KLHL4: variants seen among roughly 807,000 people sequenced by gnomAD.
The protein encoded by KLHL4 is kelch-like protein 4.
Under a neutral mutation model 45.8 loss-of-function variants are expected in KLHL4, and 17 were observed. That is an observed-to-expected ratio of 0.37 (90% confidence interval 0.25 to 0.56). The LOEUF (loss-of-function observed/expected upper bound fraction) is 0.56. KLHL4 is among the 20% of genes least tolerant of loss of function. The pLI, the probability that KLHL4 is intolerant of heterozygous loss-of-function variation, is 0.79. For synonymous variants in KLHL4, 224 were observed against 189.9 expected, an observed-to-expected ratio of 1.18 and a Z score of -1.47; for missense variants, 544 against 544.9, an observed-to-expected ratio of 1.00 and a Z score of 0.02.
chrX:87,593,218 A>G (rs746040814), intron 1 of KLHL4, among the ~76,000 whole-genome samples: 7 of 110,981 alleles, frequency 6.3e-5, no homozygotes, highest in Non-Finnish European at 9.4e-5. Flanking sequence ...TACTTCTTGT[A>G]TGTGTAGATT....
At position 87,517,934 on chromosome X, in the gene KLHL4, T is replaced by A; in HGVS notation, c.41T>A (p.Ile14Asn). Residue 14 changes from isoleucine to asparagine, a missense_variant, in exon 1 of 11, where the codon ATC becomes AAC. By Grantham distance (149) the Ile-to-Asn change is moderately radical (BLOSUM62 -3). Transcript: ENST00000373119. The stretch of plus-strand genomic sequence containing the variant: ...AAGAAAGAGTTTGATGTGAAACAGA[T>A]CCTAAGGCTACGCTGGAGGTGGTTT... ...SGKKEFDVKQ[I>N]LRLRWRWFSH... is the part of the protein sequence containing the mutation. The A allele has an allele frequency of 8.3e-7, 1 of 1,211,271 alleles. No homozygotes were observed.
intron 1 of KLHL4, among the ~76,000 whole-genome samples, chrX:87,550,555 A>C (rs1168820616): frequency 9.0e-6 from 1 of 111,355 alleles, no homozygotes; most frequent in Non-Finnish European, 1.9e-5. Flanking sequence ...CTTAACCAAA[A>C]AAGAAAACTA....
At chrX:87,530,477 G>A (rs1461759783) in intron 1 of KLHL4, among the ~76,000 whole-genome samples, 1 of 85,291 alleles carries the variant, frequency 1.2e-5, no homozygotes, top group East Asian at 4.0e-4. Context: ...GTGTCCATGT[G>A]ATCTCATTGT....
At chrX:87,603,928 C>G (rs1922103337) in intron 1 of KLHL4, among the ~76,000 whole-genome samples, 1 of 110,032 alleles carries the variant, frequency 9.1e-6, no homozygotes, top group Non-Finnish European at 1.9e-5. Flanking sequence ...CTGTTCCACT[C>G]CCCGCTTCTA....
intron 1 of KLHL4, among the ~76,000 whole-genome samples, chrX:87,555,113 G>A (rs377519684): frequency 3.6e-4 from 36 of 99,739 alleles, no homozygotes; most frequent in Admixed American, 1.7e-3. Flanking sequence ...TGCTGGATTC[G>A]GTTTGCCAGT....
intron 1 of KLHL4, among the ~76,000 whole-genome samples, chrX:87,529,865 T>C (rs977295592): frequency 1.3e-4 from 14 of 111,903 alleles, no homozygotes; most frequent in Non-Finnish European, 2.3e-4. Context: ...TATAAAACAT[T>C]TAGGTCAATA....
chrX:87,666,427 C>T, intron 10 of KLHL4, 48 bp from the exon 11 acceptor site: 1 of 1,125,103 alleles, frequency 8.9e-7, no homozygotes, highest in Non-Finnish European at 1.2e-6. Flanking sequence ...TTATATTATG[C>T]TGAAATCAGA....
chrX:87,552,591 T>C (rs1362431419), intron 1 of KLHL4, among the ~76,000 whole-genome samples: 2 of 110,996 alleles, frequency 1.8e-5, no homozygotes, highest in African/African-American at 6.5e-5. Context: ...TCAAAAAAGA[T>C]ACTTGCACAT....
intron 1 of KLHL4, among the ~76,000 whole-genome samples, chrX:87,610,270 A>T (rs1922328610): frequency 8.9e-6 from 1 of 112,185 alleles, no homozygotes; most frequent in East Asian, 2.8e-4. Context: ...TGTTGTGTTT[A>T]CTGCTATATC....
intron 1 of KLHL4, among the ~76,000 whole-genome samples, chrX:87,584,409 G>A (rs181175775): frequency 1.3e-4 from 15 of 112,137 alleles, no homozygotes; most frequent in South Asian, 7.3e-4. Flanking sequence ...ATATGTAACC[G>A]TTCAGGCAGA....
chrX:87,563,628 A>G (rs752224695), intron 1 of KLHL4, among the ~76,000 whole-genome samples: 1 of 108,544 alleles, frequency 9.2e-6, no homozygotes, highest in African/African-American at 3.3e-5. Flanking sequence ...AAAGGAATGA[A>G]GCACACCTAC....
In KLHL4 at chrX:87,518,033, C is replaced by T; in HGVS notation, c.140C>T (p.Pro47Leu). ...GAAGGATATGAGCATAGAGGGACCC[C>T]GGTTCAGGGCAGGTTGAAGAGCCAC... ...QQEGYEHRGT[P>L]VQGRLKSHSR... The change falls in exon 1 of 11, where the codon CCG becomes CTG. Residue 47 changes from proline to leucine, a missense_variant. Pro to Leu is a moderately conservative substitution (Grantham distance 98, BLOSUM62 -3). Coordinates refer to ENST00000373119, the MANE Select transcript of KLHL4 (RefSeq NM_019117.5). The T allele has an allele frequency of 8.3e-7, 1 of 1,211,161 alleles. No individual in the cohort carries two copies. Among genetic ancestry groups the T allele is most frequent in the African/African-American group, 1.7e-5 (1 of 57,652 alleles).
intron 1 of KLHL4, among the ~76,000 whole-genome samples, chrX:87,598,049 G>T (rs1338581394): frequency 3.7e-5 from 4 of 109,093 alleles, no homozygotes; most frequent in African/African-American, 1.3e-4. Context: ...TATAGGAATA[G>T]AATTATTACT....
rs1373041534 is a variant in KLHL4 at position 87,620,543 on chromosome X, AAGG to A, written c.925-1662_925-1660del. 2.7e-5 allele frequency among the ~76,000 whole-genome samples: 3 copies of A among 111,909 alleles called. No homozygotes were observed. The Admixed American group carries it at 2.9e-4, about 11-fold the overall frequency. ...ATTTTTTAATTGGAGAGTGGGTAAAAAGGAGGAGATATTGAGGTGTCCGTAATA... is the reference window on the plus strand; with the variant it reads ...ATTTTTTAATTGGAGAGTGGGTAAAAAGGAGATATTGAGGTGTCCGTAATA... On this transcript the variant is annotated intron_variant, in intron 4 of 10. Transcript: ENST00000373119.
chrX:87,557,970 C>CA (rs199941835), intron 1 of KLHL4, among the ~76,000 whole-genome samples: 1,128 of 111,090 alleles, frequency 0.01, 12 homozygotes, highest in African/African-American at 0.035. Flanking sequence ...CTTGAAACTA[C>CA]AGGGCCTCTA....
At chrX:87,656,446 T>C (rs772810279) in intron 9 of KLHL4, among the ~76,000 whole-genome samples, 1 of 109,238 alleles carries the variant, frequency 9.2e-6, no homozygotes, top group African/African-American at 3.3e-5. Flanking sequence ...AGCTCTGAGA[T>C]TCTTTCTTCT....
intron 9 of KLHL4, among the ~76,000 whole-genome samples, chrX:87,641,277 G>A (rs1423577605): frequency 8.9e-6 from 1 of 112,038 alleles, no homozygotes; most frequent in Non-Finnish European, 1.9e-5. Context: ...CACACCCACT[G>A]GAGAAGCTGA....
intron 1 of KLHL4, among the ~76,000 whole-genome samples, chrX:87,608,800 T>C (rs1477925113): frequency 9.0e-6 from 1 of 111,232 alleles, no homozygotes; most frequent in Non-Finnish European, 1.9e-5. Flanking sequence ...TTAGGGTACA[T>C]GTGCACAACA....
At chrX:87,524,179 G>A (rs926706934) in intron 1 of KLHL4, among the ~76,000 whole-genome samples, 1 of 110,158 alleles carries the variant, frequency 9.1e-6, no homozygotes, top group Non-Finnish European at 1.9e-5. Context: ...CACCATTAGC[G>A]GAGAAGTCTG....
Sources: gnomAD v4.1 joint callset for allele counts (sites outside exome capture counted in the v4.1 genomes callset) on GRCh38, gnomAD v4.1.1 for gene constraint, MANE v1.5 for transcripts, NCBI Gene and HGNC (gene_info 2026-07-23, HGNC 2026-07-21) for gene names.